SEMA3G: variants seen among roughly 807,000 people sequenced by gnomAD.
The protein encoded by SEMA3G is semaphorin 3G, also known as semaphorin-3G.
In SEMA3G, 70 loss-of-function variants were observed where a neutral mutation model predicts 86.2. The ratio of observed to expected loss-of-function variants is 0.81; its 90% CI spans 0.67 to 0.99. The LOEUF is 0.99. Ranked by LOEUF, SEMA3G falls within the 50% of genes least tolerant of loss-of-function variation. The pLI, the probability that SEMA3G is intolerant of heterozygous loss-of-function variation, is 0.00. For synonymous variants in SEMA3G, 416 were observed against 441.4 expected, an observed-to-expected ratio of 0.94 and a Z score of 0.72; for missense variants, 1,002 against 1,072.4, an observed-to-expected ratio of 0.93 and a Z score of 0.92.
At chr3:52,438,481 G>C in intron 13 of SEMA3G, 1 of 985,426 alleles carries the variant, frequency 1.0e-6, no homozygotes. Context: ...TCTATCCCAG[G>C]GGCCTTTATC....
At chr3:52,444,748 C>T (rs28627165) in intron 1 of SEMA3G, among the ~76,000 whole-genome samples, 165 bp downstream of exon 1, 25 of 5,274 alleles carry the variant, frequency 4.7e-3, no homozygotes, top group South Asian at 0.036. Context: ...ACTCGGCACA[C>T]GCACACAAAC....
Position 52,442,992 on chromosome 3 carries a change from A to G in SEMA3G, c.116-85T>C. On this transcript the variant is annotated intron_variant, in intron 1 of 15. Coordinates refer to ENST00000231721, the MANE Select transcript of SEMA3G (RefSeq NM_020163.3). The surrounding 1 kb of genome is among the most constrained non-coding windows in gnomAD (Gnocchi z 6.1). ...GGAGTGGAGGTGGAGGCCCCGGCTG[A>G]GCATCCACCCCTGACACACTCACAT... 4.5e-6 allele frequency: 7 copies of G among 1,548,020 alleles called. No homozygotes were observed. The highest frequency in any genetic ancestry group is 6.1e-6 in the Non-Finnish European group (7 of 1,146,788).
chr3:52,443,430 GAC>G (rs1706199602), intron 1 of SEMA3G, among the ~76,000 whole-genome samples: 1 of 152,156 alleles, frequency 6.6e-6, no homozygotes, highest in South Asian at 2.1e-4. Context: ...TGCGGCCAAA[GAC>G]AATTTTCTCC....
chr3:52,441,425 G>T lies in SEMA3G; in HGVS notation c.668-16C>A, dbSNP rs568020415. On this transcript the variant is annotated splice_polypyrimidine_tract_variant and intron_variant, in intron 6 of 15. Coordinates refer to ENST00000231721, the MANE Select transcript of SEMA3G (RefSeq NM_020163.3). ...AACCGGGGGTCTGGAAGGGTGACAG[G>T]GTCATGCTGGGTGGAGGGGCCCCAC... 7 of 1,611,674 alleles carry T rather than the reference G, an allele frequency of 4.3e-6. No homozygotes were observed. Among genetic ancestry groups the T allele is most frequent in the South Asian group, 3.3e-5 (3 of 90,892 alleles).
At position 52,435,790 on chromosome 3, in the gene SEMA3G, C is replaced by T. The variant is rs774949591; in HGVS notation, c.2162G>A (p.Arg721Gln). 4.3e-5 allele frequency: 70 copies of T among 1,614,038 alleles called. No homozygotes were observed. Among genetic ancestry groups the T allele is most frequent in the Non-Finnish European group, 5.2e-5 (61 of 1,180,036 alleles). The part of the protein sequence containing the change: ...LQLIGFANLP[R>Q]VDEYCERVWC... ...CACGCGCTCACAGTACTCATCCACC[C>T]GGGGCAGGTTGGCGAAGCCAATGAG... The change falls in exon 16 of 16, where the codon CGG becomes CAG. Residue 721 changes from arginine (R) to glutamine (Q), a missense_variant. Transcript: ENST00000231721.
intron 1 of SEMA3G, among the ~76,000 whole-genome samples, chr3:52,443,960 C>T (rs1475560005): frequency 6.6e-6 from 1 of 152,182 alleles, no homozygotes; most frequent in Non-Finnish European, 1.5e-5. Context: ...AGCCGGCTCA[C>T]ATGTCTAGGG....
chr3:52,435,317 C>A lies in SEMA3G; in HGVS notation c.*286G>T. On this transcript the variant is annotated 3_prime_UTR_variant, in exon 16 of 16. Coordinates refer to ENST00000231721, the MANE Select transcript of SEMA3G (RefSeq NM_020163.3). ...TCTGGGCACACCCGGAAATGTGTTG[C>A]GGAAGCCAGGCCATCTCTGAGAACA... is the stretch of plus-strand genomic sequence containing the variant. 2.1e-6 allele frequency: 1 copy of A among 485,990 alleles called. No individual in the cohort carries two copies. Among genetic ancestry groups the A allele is most frequent in the Non-Finnish European group, 3.7e-6 (1 of 269,190 alleles). 30.1% of individuals were successfully genotyped at this position (485,990 alleles called of 1,614,324 possible).
At chr3:52,444,417 G>T (rs1706219497) in intron 1 of SEMA3G, among the ~76,000 whole-genome samples, 1 of 151,668 alleles carries the variant, frequency 6.6e-6, no homozygotes, top group African/African-American at 2.4e-5. Context: ...AGCTGACCAG[G>T]CACCCAAGAG....
chr3:52,440,705 G>T, intron 9 of SEMA3G, 49 bp downstream of exon 9: 1 of 1,556,902 alleles, frequency 6.4e-7, no homozygotes, highest in Non-Finnish European at 8.8e-7. Flanking sequence ...ACCGAATCAG[G>T]GACAAAGACA....
At position 52,442,632 on chromosome 3, in the gene SEMA3G, G is replaced by C; in HGVS notation, c.277-11C>G. 2 of 1,614,106 alleles carry C rather than the reference G, an allele frequency of 1.2e-6. No homozygotes were observed. The highest frequency in any genetic ancestry group is 1.7e-6 in the Non-Finnish European group (2 of 1,179,994). On this transcript the variant is annotated splice_polypyrimidine_tract_variant and intron_variant, in intron 2 of 15. Transcript: ENST00000231721. The surrounding 1 kb of genome is among the most constrained non-coding windows in gnomAD (Gnocchi z 6.1). ...CGGTGGCCACAGGACCTGGAACACA[G>C]CCCCGCTGACCTCAGGTCCTCCCCT...
rs1166351952 is a variant in SEMA3G, at chr3:52,441,927, G to A, written c.460-18C>T. 6.5e-7 allele frequency: 1 copy of A among 1,530,128 alleles called. No individual in the cohort carries two copies. Among genetic ancestry groups the A allele is most frequent in the South Asian group, 1.2e-5 (1 of 83,994 alleles). 94.8% of individuals were successfully genotyped at this position (1,530,128 alleles called of 1,614,324 possible). A position where few individuals can be genotyped will look rare whatever the true frequency, so the allele number is the denominator to read the frequency against. On this transcript the variant is annotated intron_variant, in intron 4 of 15. Transcript: ENST00000231721. ...AGCACATGCTAGTGGGAGGGAGAGA[G>A]GGAGGGAGGGGCGTCACCTGGGAGA...
intron 5 of SEMA3G, 64 bp downstream of exon 5, chr3:52,441,755 C>G: frequency 6.3e-7 from 1 of 1,591,392 alleles, no homozygotes; most frequent in East Asian, 2.2e-5. Context: ...GGGTCCCTCC[C>G]TTCCCAGTGA....
chr3:52,435,866 C>T lies in SEMA3G; in HGVS notation c.2086G>A (p.Gly696Arg), dbSNP rs768949976. Residue 696 changes from glycine (G) to arginine (R), a missense_variant, in exon 16 of 16, where the codon GGA becomes AGA. Gly to Arg is a moderately radical substitution (Grantham distance 125). Coordinates refer to ENST00000231721, the MANE Select transcript of SEMA3G (RefSeq NM_020163.3). ...EPKPEEPPAR[G>R]GLASTPPKAW... The stretch of plus-strand genomic sequence containing the variant: ...TTGGGTGGGGTGGAAGCCAGGCCTC[C>T]CCGGGCTGGGGGCTCCTCTGGCTTT... The T allele has an allele frequency of 1.9e-5, 31 of 1,613,886 alleles. 1 individual carries two copies. The Admixed American group carries it at 5.2e-4, about 27-fold the overall frequency.
chr3:52,440,573 G>T, intron 9 of SEMA3G, 52 bp from the exon 10 acceptor site: 1 of 1,574,612 alleles, frequency 6.4e-7, no homozygotes, highest in South Asian at 1.2e-5. Context: ...AGGACAAGAA[G>T]GGAACAGCCT....
chr3:52,439,586 T>G, intron 12 of SEMA3G, 94 bp downstream of exon 12: 1 of 994,806 alleles, frequency 1.0e-6, no homozygotes, highest in Non-Finnish European at 1.6e-6. Flanking sequence ...AAAGACAGGC[T>G]GGCTCCCTAC....
At position 52,441,007 on chromosome 3, in the gene SEMA3G, G is replaced by T; in HGVS notation, c.855C>A (p.Ser285Arg). The change falls in exon 8 of 16, where the codon AGC becomes AGA. Residue 285 changes from serine (S) to arginine (R), a missense_variant. Ser to Arg is a moderately radical substitution (Grantham distance 110). Transcript: ENST00000231721. ...AGACCAGCCTGGCCTTGAGGAAAGT[G>T]CTCCATTTGTTCACCAGCACCCGCT... Reference protein sequence around the residue: ...GGQRVLVNKWSTFLKARLVCS... With the variant: ...GGQRVLVNKWRTFLKARLVCS... 6.2e-7 allele frequency: 1 copy of T among 1,604,454 alleles called. No individual in the cohort carries two copies.
At position 52,442,039 on chromosome 3, in the gene SEMA3G, C is replaced by T; in HGVS notation, c.460-130G>A. On this transcript the variant is annotated intron_variant, in intron 4 of 15. Coordinates refer to ENST00000231721, the MANE Select transcript of SEMA3G (RefSeq NM_020163.3). The surrounding 1 kb of genome is among the most constrained non-coding windows in gnomAD (Gnocchi z 6.1). ...GCGGAAGGCGTCCTCATCCAGGGCC[C>T]CTCTAATGGGGTCAGCTCCCCAACA... 7.5e-7 allele frequency: 1 copy of T among 1,340,840 alleles called. No homozygotes were observed. The highest frequency in any genetic ancestry group is 1.0e-6 in the Non-Finnish European group (1 of 982,634). 83.1% of individuals were successfully genotyped at this position (1,340,840 alleles called of 1,614,324 possible). A position where few individuals can be genotyped will look rare whatever the true frequency, so the allele number is the denominator to read the frequency against.
Position 52,442,865 on chromosome 3 carries a change from T to G in SEMA3G, c.158A>C (p.Gln53Pro). 4.4e-6 allele frequency: 7 copies of G among 1,608,760 alleles called. No homozygotes were observed. Among genetic ancestry groups the G allele is most frequent in the Non-Finnish European group, 5.9e-6 (7 of 1,177,622 alleles). The change falls in exon 2 of 16, where the codon CAG becomes CCG. Residue 53 changes from glutamine (Q) to proline (P), a missense_variant. Physicochemically the swap from Gln to Pro is moderately conservative, Grantham distance 76. Coordinates refer to ENST00000231721, the MANE Select transcript of SEMA3G (RefSeq NM_020163.3). The surrounding 1 kb of genome is among the most constrained non-coding windows in gnomAD (Gnocchi z 6.1). Reference sequence around the variant, plus strand: ...CATGGCCTGGAGGTTCAGGGAGCCCTGGGGGCCCAGAAAGATGGCAGAGCG... The same window carrying G: ...CATGGCCTGGAGGTTCAGGGAGCCCGGGGGGCCCAGAAAGATGGCAGAGCG... The part of the protein sequence containing the change: ...ANRSAIFLGP[Q>P]GSLNLQAMYL...
At chr3:52,438,455 G>T in intron 13 of SEMA3G, 1 of 985,460 alleles carries the variant, frequency 1.0e-6, no homozygotes, top group Non-Finnish European at 1.2e-6. Flanking sequence ...GCCCTCCCAG[G>T]TGCTGACCTT....
Sources: gnomAD v4.1 joint callset for allele counts (sites outside exome capture counted in the v4.1 genomes callset) on GRCh38, gnomAD v4.1.1 for gene constraint, Gnocchi (gnomAD v3.1) non-coding constraint, MANE v1.5 for transcripts, NCBI Gene and HGNC (gene_info 2026-07-23, HGNC 2026-07-21) for gene names.